The following FTO variants were observed in gnomAD, a reference collection of about 807,000 sequenced individuals.
FTO encodes FTO alpha-ketoglutarate dependent dioxygenase.
FTO carries 47 observed loss-of-function variants against 63.9 expected under a neutral mutation model. That is an observed-to-expected ratio of 0.74 (90% CI 0.58 to 0.94). The LOEUF (loss-of-function observed/expected upper bound fraction) is 0.94, where lower values mean the gene tolerates loss of function less well. Ranked by LOEUF, FTO falls within the 40% of genes least tolerant of loss-of-function variation. The pLI is 0.00. For synonymous variants in FTO, 207 were observed against 224.4 expected (o/e 0.92, Z 0.69); for missense variants, 562 against 618.1 (o/e 0.91, Z 0.96).
chr16:53,906,752 A>G (rs1176349681), intron 7 of FTO, among the ~76,000 whole-genome samples: 1 of 152,082 alleles, frequency 6.6e-6, no homozygotes, highest in Non-Finnish European at 1.5e-5. Flanking sequence ...CAGGTTATAT[A>G]AGGCTTCTAA....
At chr16:53,782,701 C>G (rs2077619290) in intron 1 of FTO, among the ~76,000 whole-genome samples, 1 of 152,210 alleles carries the variant, frequency 6.6e-6, no homozygotes, top group Admixed American at 6.5e-5. Flanking sequence ...GAGTATTCTT[C>G]AGCTCCTCAG....
intron 8 of FTO, among the ~76,000 whole-genome samples, chr16:53,945,989 T>A (rs1023613029): frequency 1.6e-4 from 24 of 152,316 alleles, no homozygotes; most frequent in African/African-American, 5.8e-4. Flanking sequence ...CTCAGGGGTA[T>A]CCCCAGTGTA....
chr16:53,713,415 C>T (rs963724366), intron 1 of FTO, among the ~76,000 whole-genome samples: 1 of 152,106 alleles, frequency 6.6e-6, no homozygotes, highest in Non-Finnish European at 1.5e-5. Flanking sequence ...CTTTTGGAAC[C>T]TTAATGAAAA....
intron 7 of FTO, among the ~76,000 whole-genome samples, chr16:53,931,001 A>G (rs1042354420): frequency 1.1e-4 from 17 of 152,164 alleles, no homozygotes; most frequent in Admixed American, 1.0e-3. Flanking sequence ...TACGGTGTTG[A>G]ACTAAACAGG....
At chr16:54,078,243 A>G (rs2086048535) in intron 8 of FTO, among the ~76,000 whole-genome samples, 2 of 151,394 alleles carry the variant, frequency 1.3e-5, no homozygotes, top group African/African-American at 4.8e-5. Flanking sequence ...ATACACATAT[A>G]TGTATATGTA....
intron 4 of FTO, among the ~76,000 whole-genome samples, chr16:53,854,070 A>T (rs1174725350): frequency 6.6e-6 from 1 of 152,072 alleles, no homozygotes. Flanking sequence ...CTTTGATGAT[A>T]TGTGATATTG....
intron 8 of FTO, among the ~76,000 whole-genome samples, chr16:54,051,496 C>T (rs966807362): frequency 1.3e-5 from 2 of 152,172 alleles, no homozygotes; most frequent in Non-Finnish European, 2.9e-5. Flanking sequence ...CGTGGATCTG[C>T]CCACCTCAAG....
intron 8 of FTO, among the ~76,000 whole-genome samples, chr16:54,007,705 C>T (rs1426871634): frequency 2.0e-5 from 3 of 152,200 alleles, no homozygotes; most frequent in African/African-American, 7.2e-5. Context: ...ACAGCCATCA[C>T]CCTACTCCCC....
chr16:54,072,137 G>C (rs1214357441), intron 8 of FTO: 22 of 152,232 alleles, frequency 1.4e-4, no homozygotes, highest in Non-Finnish European at 1.5e-5. Flanking sequence ...TGGAAGGCAT[G>C]CCGGCAAAAT....
At chr16:53,980,704 GC>G (rs1157220052) in intron 8 of FTO, among the ~76,000 whole-genome samples, 1 of 152,186 alleles carries the variant, frequency 6.6e-6, no homozygotes, top group Non-Finnish European at 1.5e-5. Context: ...TTAGGGACAG[GC>G]TTTTGCTCCA....
At chr16:53,733,383 CAA>C (rs2076316563) in intron 1 of FTO, among the ~76,000 whole-genome samples, 1 of 151,962 alleles carries the variant, frequency 6.6e-6, no homozygotes, top group Admixed American at 6.6e-5. Context: ...GCCTGGGTAA[CAA>C]GAGCAAAACT....
intron 8 of FTO, among the ~76,000 whole-genome samples, chr16:54,109,067 T>C (rs1298342302): frequency 6.6e-6 from 1 of 152,236 alleles, no homozygotes; most frequent in African/African-American, 2.4e-5. Flanking sequence ...TGGGGATGTC[T>C]GTCCTTTTTC....
At chr16:53,812,265 C>G (rs969875393) in intron 2 of FTO, among the ~76,000 whole-genome samples, 3 of 151,838 alleles carry the variant, frequency 2.0e-5, no homozygotes, top group African/African-American at 7.3e-5. Flanking sequence ...CACTTAATCT[C>G]ACTTAATTTT....
In FTO at chr16:54,094,014, C is replaced by A. The variant is rs184421889; in HGVS notation, c.1365-17748C>A. ...TTGCTAAGGGCCCTTCCCAAGGTCA[C>A]CCCACAAGCAAACATTGGTGCTGGG... On this transcript the variant is annotated intron_variant, in intron 8 of 8. Coordinates refer to ENST00000471389, the MANE Select transcript of FTO (RefSeq NM_001080432.3). Among the ~76,000 whole-genome samples, 730 of 152,168 alleles carry A rather than the reference C, an allele frequency of 4.8e-3. 2 individuals carry two copies. The highest frequency in any genetic ancestry group is 7.6e-3 in the Non-Finnish European group (514 of 68,004).
At chr16:53,749,630 G>A (rs2076735587) in intron 1 of FTO, among the ~76,000 whole-genome samples, 2 of 151,898 alleles carry the variant, frequency 1.3e-5, no homozygotes, top group South Asian at 4.2e-4. Context: ...TAGTAGAGAC[G>A]GGGTTTCACC....
intron 1 of FTO, among the ~76,000 whole-genome samples, chr16:53,802,144 C>A (rs2078245051): frequency 1.3e-5 from 2 of 152,088 alleles, no homozygotes; most frequent in Non-Finnish European, 2.9e-5. Flanking sequence ...GGTTCCAGGA[C>A]CCCTGCAAAT....
intron 7 of FTO, 131 bp from the exon 8 acceptor site, chr16:53,933,854 A>G (rs890198790): frequency 9.2e-6 from 8 of 865,610 alleles, no homozygotes; most frequent in Admixed American, 2.5e-5. Context: ...GCCATCATTT[A>G]CTGCATTGAT....
chr16:53,741,922 G>A (rs1220757848), intron 1 of FTO, among the ~76,000 whole-genome samples: 1 of 152,114 alleles, frequency 6.6e-6, no homozygotes, highest in Non-Finnish European at 1.5e-5. Context: ...ACTCATGTAG[G>A]TTTTGGGAAG....
chr16:53,750,685 C>T (rs761112254), intron 1 of FTO, among the ~76,000 whole-genome samples: 34 of 152,182 alleles, frequency 2.2e-4, no homozygotes, highest in Non-Finnish European at 3.5e-4. Flanking sequence ...GGTAAGTTTG[C>T]TTACCATCTC....
Sources: allele counts gnomAD v4.1 joint callset (sites outside exome capture counted in the v4.1 genomes callset), GRCh38; gene constraint gnomAD v4.1.1; transcripts MANE v1.5; gene names NCBI Gene and HGNC (gene_info 2026-07-23, HGNC 2026-07-21).